The following NEBL variants were observed in gnomAD, a reference collection of about 807,000 sequenced individuals.
NEBL encodes LIM and SH3 protein 2.
Under a neutral mutation model 140.2 loss-of-function variants are expected in NEBL, and 122 were observed. The observed-to-expected ratio is 0.87, with a 90% CI of 0.75 to 1.01. The LOEUF (loss-of-function observed/expected upper bound fraction) is 1.01. Ranked by LOEUF, NEBL falls within the 50% of genes least tolerant of loss-of-function variation. The pLI is 0.00. For missense variants in NEBL, 1,365 were observed against 1,231.3 expected (o/e 1.11, Z -1.62); for synonymous variants, 436 against 398.9 (o/e 1.09, Z -1.11).
At chr10:20,874,889 A>G (rs897518434) in intron 5 of NEBL, among the ~76,000 whole-genome samples, 2 of 151,960 alleles carry the variant, frequency 1.3e-5, no homozygotes, top group African/African-American at 4.8e-5. Context: ...ACAGGTGAAC[A>G]CCACCACACC....
chr10:20,983,041 C>A (rs1230533745), intron 3 of NEBL, among the ~76,000 whole-genome samples: 1 of 152,080 alleles, frequency 6.6e-6, no homozygotes, highest in African/African-American at 2.4e-5. Flanking sequence ...AAGGTAGGTA[C>A]CCTAACCCTT....
At chr10:21,190,749 G>A (rs1014048373) in intron 3 of NEBL, among the ~76,000 whole-genome samples, 20 of 152,214 alleles carry the variant, frequency 1.3e-4, no homozygotes, top group African/African-American at 4.6e-4. Context: ...ATATTGAAAT[G>A]TCCTTGTAGA....
upstream of NEBL, among the ~76,000 whole-genome samples, chr10:20,900,516 A>G (rs991885266): frequency 1.2e-4 from 18 of 152,078 alleles, no homozygotes; most frequent in African/African-American, 4.3e-4. Context: ...CGTCTCTAGT[A>G]AAAATAGAAA....
At chr10:21,055,291 T>C (rs1389628342) in intron 2 of NEBL, among the ~76,000 whole-genome samples, 2 of 152,196 alleles carry the variant, frequency 1.3e-5, no homozygotes, top group Admixed American at 1.3e-4. Flanking sequence ...CTGGGAAGAA[T>C]TCTCTGAGAC....
chr10:21,276,013 C>T (rs1327671930), intron 1 of NEBL, among the ~76,000 whole-genome samples: 1 of 147,558 alleles, frequency 6.8e-6, no homozygotes, highest in Non-Finnish European at 1.5e-5. Context: ...CTCTGTTGCC[C>T]AGACTGAAGT....
intron 3 of NEBL, among the ~76,000 whole-genome samples, chr10:21,019,380 C>T (rs1344166158): frequency 6.6e-6 from 1 of 152,246 alleles, no homozygotes; most frequent in Non-Finnish European, 1.5e-5. Flanking sequence ...CTGCCTCCAC[C>T]TTCCTTCTCC....
At chr10:21,107,433 T>G (rs1171225446) in intron 2 of NEBL, among the ~76,000 whole-genome samples, 3 of 152,160 alleles carry the variant, frequency 2.0e-5, no homozygotes, top group Non-Finnish European at 4.4e-5. Flanking sequence ...AATCAAGTGG[T>G]TTTTGCTGTT....
intron 20 of NEBL, chr10:20,819,007 CT>C: frequency 1.0e-6 from 1 of 983,522 alleles, no homozygotes; most frequent in Non-Finnish European, 1.2e-6. Flanking sequence ...TACATATTCA[CT>C]TTTTCATGTT....
At chr10:21,121,541 C>T (rs372486387) in intron 2 of NEBL, among the ~76,000 whole-genome samples, 2 of 152,182 alleles carry the variant, frequency 1.3e-5, no homozygotes, top group Non-Finnish European at 1.5e-5. Context: ...ATGCCTATCA[C>T]GTGCACACTA....
intron 1 of NEBL, among the ~76,000 whole-genome samples, chr10:21,285,589 C>A (rs1221337832): frequency 6.6e-6 from 1 of 152,178 alleles, no homozygotes; most frequent in Non-Finnish European, 1.5e-5. Context: ...GTCGTCAGGA[C>A]CTCCTGAGGC....
intron 4 of NEBL, among the ~76,000 whole-genome samples, chr10:20,905,772 T>C (rs1368417501): frequency 6.6e-6 from 1 of 152,060 alleles, no homozygotes; most frequent in Non-Finnish European, 1.5e-5. Context: ...AGCAATACAA[T>C]AGGACAGAGA....
chr10:20,831,210 C>A lies in NEBL; in HGVS notation c.1657G>T (p.Glu553Ter), dbSNP rs1840378420. ...TCATGACCAACCTGGCTATAGATTT[C>A]AGATGTCCTCTTGGCTCGAAGGATA... Reference protein sequence around the residue: ...PDILRAKRTSEIYSQRKYKDE... With the variant: ...PDILRAKRTS The change falls in exon 16 of 28, where the codon GAA (glutamate) becomes TAA (stop). Residue 553 changes from glutamate (E) to a stop codon, truncating the protein, a stop_gained. Coordinates refer to ENST00000377122, the MANE Select transcript of NEBL (RefSeq NM_006393.3). LOFTEE classifies it high-confidence loss of function. 3.7e-6 allele frequency: 6 copies of A among 1,612,024 alleles called. No individual in the cohort carries two copies. The highest frequency in any genetic ancestry group is 5.1e-6 in the Non-Finnish European group (6 of 1,178,462).
chr10:20,909,051 G>A (rs922047033), intron 4 of NEBL, among the ~76,000 whole-genome samples: 1 of 151,602 alleles, frequency 6.6e-6, no homozygotes, highest in Non-Finnish European at 1.5e-5. Context: ...TATTTATGGG[G>A]TACATGAAAT....
At chr10:21,175,834 A>T (rs1841287855), upstream of NEBL, among the ~76,000 whole-genome samples, 1 of 152,216 alleles carries the variant, frequency 6.6e-6, no homozygotes, top group Non-Finnish European at 1.5e-5. Flanking sequence ...GTTTTTTTTT[A>T]AACATTTACA....
intron 4 of NEBL, among the ~76,000 whole-genome samples, chr10:20,935,524 C>A (rs1438971903): frequency 6.6e-6 from 1 of 152,140 alleles, no homozygotes; most frequent in Non-Finnish European, 1.5e-5. Flanking sequence ...GGAAATCACA[C>A]GGACTTTGGC....
At chr10:21,177,570 C>G (rs1349558137), upstream of NEBL, among the ~76,000 whole-genome samples, 5 of 151,854 alleles carry the variant, frequency 3.3e-5, no homozygotes, top group Non-Finnish European at 2.9e-5. Flanking sequence ...CGCTCTGTCC[C>G]CCAGGCTGGA....
chr10:21,171,755 A>T (rs543035128), intron 2 of NEBL: 1 of 156,664 alleles, frequency 6.4e-6, no homozygotes, highest in Non-Finnish European at 1.4e-5. Context: ...AAAGCCTTCC[A>T]AAGAAGGCTT....
chr10:21,058,916 G>C (rs376079598), intron 2 of NEBL, among the ~76,000 whole-genome samples: 56 of 152,168 alleles, frequency 3.7e-4, no homozygotes, highest in African/African-American at 1.4e-3. Context: ...ATTGTGTAAA[G>C]TTGAGCAGGT....
intron 3 of NEBL, among the ~76,000 whole-genome samples, chr10:21,237,821 G>T (rs74390920): frequency 6.6e-6 from 1 of 151,976 alleles, no homozygotes; most frequent in Admixed American, 6.6e-5. Flanking sequence ...TGGCTGGGCT[G>T]GTCTCGAACT....
Sources: gnomAD v4.1 joint callset for allele counts (sites outside exome capture counted in the v4.1 genomes callset) on GRCh38, gnomAD v4.1.1 for gene constraint, MANE v1.5 for transcripts, NCBI Gene and HGNC (gene_info 2026-07-23, HGNC 2026-07-21) for gene names.